GPM6A: variants seen among roughly 807,000 people sequenced by gnomAD.
The protein encoded by GPM6A is neuronal membrane glycoprotein M6-a.
GPM6A carries 7 observed loss-of-function variants against 32.1 expected under a neutral mutation model. The observed-to-expected ratio is 0.22, with a 90% CI of 0.12 to 0.41. The LOEUF is 0.41. GPM6A is among the 10% of genes least tolerant of loss of function. GPM6A has a pLI of 1.00. For synonymous variants in GPM6A, 130 were observed against 123.4 expected (o/e 1.05, Z -0.35); for missense variants, 235 against 347.2 (o/e 0.68, Z 2.57).
At chr4:175,886,435 A>T (rs1737458167) in intron 1 of GPM6A, among the ~76,000 whole-genome samples, 1 of 152,008 alleles carries the variant, frequency 6.6e-6, no homozygotes, top group Admixed American at 6.6e-5. Flanking sequence ...AGAGTGTGAA[A>T]CATTTATAGA....
chr4:175,718,426 G>A (rs927837444), intron 1 of GPM6A, among the ~76,000 whole-genome samples: 3 of 151,984 alleles, frequency 2.0e-5, no homozygotes, highest in Admixed American at 6.6e-5. Context: ...AACAAGCCTG[G>A]CCAACATGGT....
At chr4:175,797,828 T>G (rs1169041302) in intron 1 of GPM6A, among the ~76,000 whole-genome samples, 1 of 152,196 alleles carries the variant, frequency 6.6e-6, no homozygotes, top group Non-Finnish European at 1.5e-5. Flanking sequence ...TTATTTCCTC[T>G]CAAATTTTGG....
At chr4:175,846,063 C>T (rs538938047) in intron 1 of GPM6A, among the ~76,000 whole-genome samples, 2 of 152,162 alleles carry the variant, frequency 1.3e-5, no homozygotes, top group Middle Eastern at 6.8e-3. Context: ...ACCCTCCACC[C>T]CCATAAGAAT....
intron 1 of GPM6A, among the ~76,000 whole-genome samples, chr4:175,835,193 C>A (rs1385653007): frequency 1.3e-5 from 2 of 152,058 alleles, no homozygotes; most frequent in African/African-American, 2.4e-5. Context: ...TGGACCCTAT[C>A]GATATATAAA....
intron 1 of GPM6A, among the ~76,000 whole-genome samples, chr4:175,938,506 A>C (rs1739309757): frequency 6.6e-6 from 1 of 152,138 alleles, no homozygotes; most frequent in Non-Finnish European, 1.5e-5. Context: ...ATGACCAGTG[A>C]TGATGAGCTT....
chr4:175,947,014 T>C (rs1739630735), intron 1 of GPM6A, among the ~76,000 whole-genome samples: 1 of 152,210 alleles, frequency 6.6e-6, no homozygotes, highest in South Asian at 2.1e-4. Context: ...GCTTCATTTA[T>C]AGGATGAAAT....
chr4:175,932,114 GA>G (rs1250249336), intron 1 of GPM6A, among the ~76,000 whole-genome samples: 3 of 144,162 alleles, frequency 2.1e-5, no homozygotes, highest in East Asian at 4.0e-4. Flanking sequence ...AAAAAAAAAA[GA>G]AAAAAAAAGG....
chr4:175,994,014 T>A (rs962487844), intron 1 of GPM6A, among the ~76,000 whole-genome samples: 2 of 152,192 alleles, frequency 1.3e-5, no homozygotes, highest in Admixed American at 6.5e-5. Flanking sequence ...TCTACAAACA[T>A]CTTTCCAAGA....
chr4:175,857,256 T>C (rs371201605), intron 1 of GPM6A, among the ~76,000 whole-genome samples: 1 of 152,124 alleles, frequency 6.6e-6, no homozygotes, highest in Non-Finnish European at 1.5e-5. Context: ...TATACAAATA[T>C]GTGAAAAGTA....
chr4:175,729,858 G>T (rs1326749270), intron 1 of GPM6A, among the ~76,000 whole-genome samples: 1 of 143,168 alleles, frequency 7.0e-6, no homozygotes, highest in African/African-American at 2.6e-5. Flanking sequence ...ATGTATATAT[G>T]TATTTAATGT....
chr4:175,968,198 C>T (rs1333122447), intron 1 of GPM6A, among the ~76,000 whole-genome samples: 1 of 151,444 alleles, frequency 6.6e-6, no homozygotes, highest in Non-Finnish European at 1.5e-5. Flanking sequence ...ACCAAAGATG[C>T]TGGAACAAGT....
chr4:175,894,838 G>A (rs1560983481), intron 1 of GPM6A, among the ~76,000 whole-genome samples: 1 of 152,058 alleles, frequency 6.6e-6, no homozygotes, highest in Non-Finnish European at 1.5e-5. Flanking sequence ...TCTTATATAA[G>A]GGTCTTCGAA....
At chr4:175,736,384 T>C (rs958614411) in intron 1 of GPM6A, among the ~76,000 whole-genome samples, 1 of 152,188 alleles carries the variant, frequency 6.6e-6, no homozygotes. Flanking sequence ...TAAACTAACA[T>C]AGAGTCTTCA....
intron 1 of GPM6A, among the ~76,000 whole-genome samples, chr4:175,754,161 C>T (rs1732441557): frequency 6.6e-6 from 1 of 152,048 alleles, no homozygotes. Context: ...CTGCTAATTC[C>T]CACTAAAACA....
At position 175,909,224 on chromosome 4, in the gene GPM6A, G is replaced by A. The variant is rs565326959; in HGVS notation, c.-23+93085C>T. ...TTATGTGATAACAGAGAAAAGAGGC[G>A]CCTTGACTGAAAAAGGCAAATTTAG... On this transcript the variant is annotated intron_variant, in intron 1 of 7. Coordinates refer to the GPM6A transcript ENST00000280187. 5.9e-5 allele frequency among the ~76,000 whole-genome samples: 9 copies of A among 151,310 alleles called. No homozygotes were observed. The South Asian group carries it at 6.5e-4, about 11-fold the overall frequency.
rs775379591 is a variant in GPM6A at position 175,800,397 on chromosome 4, T to C, written c.37+11794A>G. Among the ~76,000 whole-genome samples, 3 of 152,308 alleles carry C rather than the reference T, an allele frequency of 2.0e-5. No homozygotes were observed. In the South Asian group the frequency reaches 6.2e-4, roughly 32 times the overall value. On this transcript the variant is annotated intron_variant, in intron 1 of 6. Coordinates refer to ENST00000393658, the MANE Select transcript of GPM6A (RefSeq NM_201591.3). ...TCAATATCATTTTAATTTCACTGAATGCAAATTATCCAAGCCAAAGAAAAG... is the reference window on the plus strand; with the variant it reads ...TCAATATCATTTTAATTTCACTGAACGCAAATTATCCAAGCCAAAGAAAAG...
chr4:175,963,650 T>C lies in GPM6A; in HGVS notation c.-23+38659A>G, dbSNP rs547781268. On this transcript the variant is annotated intron_variant, in intron 1 of 7. Transcript: ENST00000280187. ...AGAGGTTCTTCAGAAAGAAGGAAAA[T>C]GATATAGATCAGAAACCTGGATCTA... Among the ~76,000 whole-genome samples the C allele has an allele frequency of 3.3e-5, 5 of 152,018 alleles. No individual in the cohort carries two copies. In the South Asian group the frequency reaches 8.3e-4, roughly 25 times the overall value.
intron 1 of GPM6A, among the ~76,000 whole-genome samples, chr4:175,930,426 G>GGGC (rs1554002343): frequency 1.3e-5 from 1 of 74,244 alleles, no homozygotes; most frequent in Non-Finnish European, 3.5e-5. Flanking sequence ...TCTGTTTTTT[G>GGGC]GGGGGGGGTT....
At chr4:175,962,721 C>T (rs1047489919) in intron 1 of GPM6A, among the ~76,000 whole-genome samples, 1 of 152,106 alleles carries the variant, frequency 6.6e-6, no homozygotes, top group Non-Finnish European at 1.5e-5. Flanking sequence ...AAAACCCACA[C>T]TAAAGACCTA....
Sources: gnomAD v4.1 joint callset for allele counts (sites outside exome capture counted in the v4.1 genomes callset) on GRCh38, gnomAD v4.1.1 for gene constraint, MANE v1.5 for transcripts, NCBI Gene and HGNC (gene_info 2026-07-23, HGNC 2026-07-21) for gene names.